Variants in EBF1 observed in about 807,000 individuals in gnomAD.
EBF1 encodes transcription factor COE1.
Under a neutral mutation model 68.4 loss-of-function variants are expected in EBF1, and 10 were observed. That is an observed-to-expected ratio of 0.15 (90% CI 0.09 to 0.25). The LOEUF is 0.25. EBF1 is among the 10% of genes least tolerant of loss of function. EBF1 has a pLI of 1.00. For missense variants in EBF1, 509 were observed against 794.4 expected, an observed-to-expected ratio of 0.64 and a Z score of 4.32; for synonymous variants, 298 against 299.8, an observed-to-expected ratio of 0.99 and a Z score of 0.06.
rs190647942 is a variant in EBF1 at position 159,025,999 on chromosome 5, C to T, written c.554+47397G>A. On this transcript the variant is annotated intron_variant, in intron 6 of 15. Coordinates refer to ENST00000313708, the MANE Select transcript of EBF1 (RefSeq NM_024007.5). ...AAAAATACAACAGCGAAACAAAACT[C>T]ACAAATGTCTGTTACGTGAAGGAAG... is the stretch of plus-strand genomic sequence containing the variant. Among the ~76,000 whole-genome samples the T allele has an allele frequency of 3.9e-5, 6 of 152,284 alleles. No individual in the cohort carries two copies. In the East Asian group the frequency reaches 1.2e-3, roughly 29 times the overall value.
chr5:158,863,833 T>C (rs1795385875), intron 6 of EBF1, among the ~76,000 whole-genome samples: 1 of 152,160 alleles, frequency 6.6e-6, no homozygotes, highest in Non-Finnish European at 1.5e-5. Context: ...TCTAAACATA[T>C]TTTACGTAAA....
chr5:158,951,410 C>T (rs1044620038), intron 6 of EBF1, among the ~76,000 whole-genome samples: 2 of 152,136 alleles, frequency 1.3e-5, no homozygotes, highest in Non-Finnish European at 2.9e-5. Context: ...TTTTTCCTGG[C>T]AGGTGCACGT....
rs557731556 is a variant in EBF1, at chr5:158,751,343, CT to C, written c.1037-20187del. ...GGTAGGACACATGTTGCGTTTGCCC[CT>C]GGCTCATAATGACCTGAGGGCCATC... On this transcript the variant is annotated intron_variant, in intron 10 of 15. Coordinates refer to ENST00000313708, the MANE Select transcript of EBF1 (RefSeq NM_024007.5). Among the ~76,000 whole-genome samples the C allele has an allele frequency of 3.5e-3, 526 of 151,884 alleles. 6 individuals are homozygous for C. The highest frequency in any genetic ancestry group is 0.012 in the African/African-American group (503 of 41,488).
chr5:158,732,905 C>T (rs1041095128), intron 10 of EBF1, among the ~76,000 whole-genome samples: 1 of 152,112 alleles, frequency 6.6e-6, no homozygotes, highest in Non-Finnish European at 1.5e-5. Flanking sequence ...AACTTTCAAC[C>T]TGTCTCTTGT....
intron 6 of EBF1, among the ~76,000 whole-genome samples, chr5:158,946,172 A>C (rs969503661): frequency 1.3e-5 from 2 of 152,058 alleles, no homozygotes; most frequent in African/African-American, 4.8e-5. Context: ...CACCTTCTGA[A>C]GCCTACTTCT....
At chr5:158,726,845 C>T (rs1166756645) in intron 11 of EBF1, among the ~76,000 whole-genome samples, 3 of 152,172 alleles carry the variant, frequency 2.0e-5, no homozygotes, top group East Asian at 1.9e-4. Flanking sequence ...GTAGTTTTCC[C>T]GCGTGCTAGC....
At chr5:158,884,270 A>C (rs1799543513) in intron 6 of EBF1, among the ~76,000 whole-genome samples, 1 of 152,210 alleles carries the variant, frequency 6.6e-6, no homozygotes, top group Non-Finnish European at 1.5e-5. Flanking sequence ...TAGTGGAATA[A>C]ATGAGGAGGT....
Position 158,825,080 on chromosome 5 carries a change from G to A in EBF1, c.637-1763C>T, listed in dbSNP as rs111451149. 1.0e-2 allele frequency among the ~76,000 whole-genome samples: 1,516 copies of A among 152,298 alleles called. 46 individuals are homozygous for A. The highest frequency in any genetic ancestry group is 0.061 in the Admixed American group (931 of 15,300). On this transcript the variant is annotated intron_variant, in intron 7 of 15. Coordinates refer to ENST00000313708, the MANE Select transcript of EBF1 (RefSeq NM_024007.5). ...CATTTGGGGGATGACATGTAAGTTT[G>A]ATGCAGAAGTTTGCAGAGTGGTTCT...
intron 6 of EBF1, among the ~76,000 whole-genome samples, chr5:158,913,815 GAAAT>G (rs961728876): frequency 6.6e-6 from 1 of 152,188 alleles, no homozygotes; most frequent in Non-Finnish European, 1.5e-5. Context: ...CCAACAGACT[GAAAT>G]AAATATGCTC....
chr5:159,039,016 T>C (rs990342738), intron 6 of EBF1, among the ~76,000 whole-genome samples: 14 of 152,088 alleles, frequency 9.2e-5, no homozygotes, highest in African/African-American at 7.2e-5. Context: ...CTTTAGAAAA[T>C]TGGAATTTAA....
chr5:158,923,186 A>G (rs1562309536), intron 6 of EBF1, among the ~76,000 whole-genome samples: 1 of 152,220 alleles, frequency 6.6e-6, no homozygotes, highest in Admixed American at 6.5e-5. Flanking sequence ...AAGCTCTAAA[A>G]TTCTCCAGGT....
intron 6 of EBF1, among the ~76,000 whole-genome samples, chr5:158,877,184 G>C (rs1337238653): frequency 1.2e-4 from 19 of 152,178 alleles, no homozygotes; most frequent in Admixed American, 1.2e-3. Flanking sequence ...AAGGTGCTGA[G>C]AAGAGGAAAT....
chr5:159,065,720 G>A (rs1043816166), intron 6 of EBF1, among the ~76,000 whole-genome samples: 1 of 151,832 alleles, frequency 6.6e-6, no homozygotes, highest in Non-Finnish European at 1.5e-5. Context: ...CATAAAATAT[G>A]TATAATAGTG....
At chr5:158,955,018 G>A (rs1816780029) in intron 6 of EBF1, among the ~76,000 whole-genome samples, 1 of 151,986 alleles carries the variant, frequency 6.6e-6, no homozygotes, top group Non-Finnish European at 1.5e-5. Flanking sequence ...ATCCTCAGGG[G>A]AAAAAAATTA....
intron 9 of EBF1, among the ~76,000 whole-genome samples, chr5:158,790,676 C>T (rs766973474): frequency 2.0e-5 from 3 of 152,110 alleles, no homozygotes; most frequent in Non-Finnish European, 2.9e-5. Context: ...CTCTCATCTC[C>T]CAATGGGTAT....
At chr5:158,724,237 C>T (rs1274339343) in intron 11 of EBF1, among the ~76,000 whole-genome samples, 2 of 152,142 alleles carry the variant, frequency 1.3e-5, no homozygotes. Context: ...CCATTTGTTT[C>T]TGTGTTTTCG....
intron 6 of EBF1, among the ~76,000 whole-genome samples, chr5:158,970,043 G>A (rs1025622678): frequency 2.6e-5 from 4 of 151,970 alleles, no homozygotes; most frequent in Admixed American, 1.3e-4. Context: ...AACCTAACCC[G>A]TACTACAGCC....
intron 6 of EBF1, among the ~76,000 whole-genome samples, chr5:158,885,003 G>A (rs1459439985): frequency 6.6e-6 from 1 of 152,158 alleles, no homozygotes; most frequent in Non-Finnish European, 1.5e-5. Flanking sequence ...GGAGAGAAGG[G>A]GTGCTCCAGG....
intron 6 of EBF1, among the ~76,000 whole-genome samples, chr5:159,035,747 A>T (rs554443825): frequency 7.2e-5 from 11 of 152,214 alleles, no homozygotes; most frequent in Non-Finnish European, 1.6e-4. Flanking sequence ...ATCACTTTTC[A>T]GACTTGTTTT....
Sources: allele counts gnomAD v4.1 joint callset (sites outside exome capture counted in the v4.1 genomes callset), GRCh38; gene constraint gnomAD v4.1.1; transcripts MANE v1.5; gene names NCBI Gene and HGNC (gene_info 2026-07-23, HGNC 2026-07-21).